The following GUCY1A2 variants were observed in gnomAD, a reference collection of about 807,000 sequenced individuals.
GUCY1A2 encodes guanylate cyclase soluble subunit alpha-2.
GUCY1A2 carries 27 observed loss-of-function variants against 63.5 expected under a neutral mutation model. The observed-to-expected ratio is 0.43, with a 90% CI of 0.31 to 0.59. The LOEUF (loss-of-function observed/expected upper bound fraction) is 0.59, where lower values mean the gene tolerates loss of function less well. GUCY1A2 is among the 20% of genes least tolerant of loss of function. GUCY1A2 has a pLI of 0.11. For missense variants in GUCY1A2, 768 were observed against 913.3 expected (o/e 0.84, Z 2.05); for synonymous variants, 364 against 343.5 (o/e 1.06, Z -0.66).
At chr11:106,941,881 T>C (rs1408925278) in intron 3 of GUCY1A2, among the ~76,000 whole-genome samples, 1 of 152,162 alleles carries the variant, frequency 6.6e-6, no homozygotes, top group Non-Finnish European at 1.5e-5. Context: ...TTAATAAGCA[T>C]TTCATATTCA....
At chr11:106,732,333 A>G (rs1306861370) in intron 6 of GUCY1A2, among the ~76,000 whole-genome samples, 3 of 152,134 alleles carry the variant, frequency 2.0e-5, no homozygotes, top group Non-Finnish European at 4.4e-5. Context: ...TATGCAGAAG[A>G]CTTAAACTAG....
At chr11:106,884,855 A>G (rs1859877303) in intron 4 of GUCY1A2, among the ~76,000 whole-genome samples, 1 of 152,102 alleles carries the variant, frequency 6.6e-6, no homozygotes, top group South Asian at 2.1e-4. Context: ...TCTGGCCCAA[A>G]TGAGAGTTTA....
intron 3 of GUCY1A2, among the ~76,000 whole-genome samples, chr11:106,954,567 A>G (rs1422743080): frequency 7.9e-5 from 12 of 151,932 alleles, no homozygotes; most frequent in Admixed American, 2.6e-4. Flanking sequence ...TATCCTTTTT[A>G]ATTTTTTCTC....
chr11:106,768,690 A>C (rs1015906514), intron 6 of GUCY1A2, among the ~76,000 whole-genome samples: 4 of 152,182 alleles, frequency 2.6e-5, no homozygotes, highest in African/African-American at 9.6e-5. Context: ...GTCAGCTAAC[A>C]AAGTAACGAA....
intron 1 of GUCY1A2, among the ~76,000 whole-genome samples, chr11:107,000,047 T>C (rs932912225): frequency 1.2e-4 from 18 of 152,206 alleles, no homozygotes; most frequent in Admixed American, 7.2e-4. Flanking sequence ...ACAATTCATA[T>C]AGTTAGCCAC....
intron 4 of GUCY1A2, chr11:106,827,755 CAGG>C (rs1858991310): frequency 2.6e-6 from 4 of 1,525,304 alleles, no homozygotes; most frequent in Admixed American, 3.3e-5. Flanking sequence ...GCTTTCATAA[CAGG>C]AGAAGCTGTT....
chr11:106,871,960 G>A (rs570125385), intron 4 of GUCY1A2, among the ~76,000 whole-genome samples: 5 of 152,088 alleles, frequency 3.3e-5, no homozygotes, highest in African/African-American at 4.8e-5. Flanking sequence ...CAGCCTTGAC[G>A]TGTGTTCTAT....
In GUCY1A2 at chr11:106,896,484, T is replaced by C. The variant is rs367940834; in HGVS notation, c.1206+42976A>G. On this transcript the variant is annotated intron_variant, in intron 4 of 7. Coordinates refer to ENST00000526355, the MANE Select transcript of GUCY1A2 (RefSeq NM_000855.3). ...AATAAAATAATAAAGGGAAATAAAATTACTATGGTTTGAATAATGTGGTCC... is the reference window on the plus strand; with the variant it reads ...AATAAAATAATAAAGGGAAATAAAACTACTATGGTTTGAATAATGTGGTCC... Among the ~76,000 whole-genome samples the C allele has an allele frequency of 4.6e-5, 7 of 152,286 alleles. No individual in the cohort carries two copies. In the South Asian group the frequency reaches 1.0e-3, roughly 23 times the overall value.
At chr11:106,968,777 A>AGACCATAACATTGGTGCATAACAGTG (rs1861158452) in intron 3 of GUCY1A2, among the ~76,000 whole-genome samples, 1 of 152,296 alleles carries the variant, frequency 6.6e-6, no homozygotes, top group Admixed American at 6.5e-5. Flanking sequence ...ACCTGATCCT[A>AGACCATAACATTGGTGCATAACAGTG]TCTACAACTT....
chr11:106,740,939 C>T (rs1863684629), intron 6 of GUCY1A2, among the ~76,000 whole-genome samples: 1 of 152,118 alleles, frequency 6.6e-6, no homozygotes, highest in South Asian at 2.1e-4. Flanking sequence ...TCCCAAAGTG[C>T]TGGGATTACA....
intron 6 of GUCY1A2, among the ~76,000 whole-genome samples, chr11:106,738,844 C>T (rs1198662640): frequency 1.3e-5 from 2 of 152,030 alleles, no homozygotes; most frequent in Non-Finnish European, 2.9e-5. Flanking sequence ...CAGCTTAGTT[C>T]TTTTTGCTTG....
intron 5 of GUCY1A2, among the ~76,000 whole-genome samples, chr11:106,786,663 T>C (rs1310209256): frequency 6.6e-6 from 1 of 152,192 alleles, no homozygotes; most frequent in Non-Finnish European, 1.5e-5. Flanking sequence ...TTCTAAATCA[T>C]TGTTAGATGT....
chr11:106,901,381 GA>G lies in GUCY1A2; in HGVS notation c.1206+38078del, dbSNP rs575449201. On this transcript the variant is annotated intron_variant, in intron 4 of 7. Coordinates refer to ENST00000526355, the MANE Select transcript of GUCY1A2 (RefSeq NM_000855.3). ...GCCCTCAAAGTTATCTCTGAGAACT[GA>G]AATCAATGCCTTCCAAATTTCTGTT... Among the ~76,000 whole-genome samples, 80 of 152,288 alleles carry G rather than the reference GA, an allele frequency of 5.3e-4. 1 individual carries two copies. In the South Asian group the frequency reaches 0.017, roughly 32 times the overall value.
chr11:106,952,604 GC>G (rs1339027675), intron 3 of GUCY1A2, among the ~76,000 whole-genome samples: 4 of 151,904 alleles, frequency 2.6e-5, no homozygotes, highest in African/African-American at 9.7e-5. Flanking sequence ...CTGAGACTTT[GC>G]TGAAGTTGCT....
chr11:106,914,699 A>C lies in GUCY1A2; in HGVS notation c.1206+24761T>G, dbSNP rs144529169. 4.0e-3 allele frequency among the ~76,000 whole-genome samples: 603 copies of C among 152,036 alleles called. 7 individuals are homozygous for C. Among genetic ancestry groups the C allele is most frequent in the African/African-American group, 0.014 (587 of 41,568 alleles). On this transcript the variant is annotated intron_variant, in intron 4 of 7. Transcript: ENST00000526355. ...AGAGAAATAATTACAAGAGAAAATA[A>C]ATAAAGATAATATTTTAAAAATTGA...
In GUCY1A2 at chr11:106,936,648, A is replaced by T. The variant is rs1379330993; in HGVS notation, c.1206+2812T>A. Reference sequence around the variant, plus strand: ...AGCCATCTGGAAGAGTTTTTTTCTAACCTCAAGACTGTTGAATCCTGCCAC... The same window carrying T: ...AGCCATCTGGAAGAGTTTTTTTCTATCCTCAAGACTGTTGAATCCTGCCAC... On this transcript the variant is annotated intron_variant, in intron 4 of 7. Transcript: ENST00000526355. 1.3e-6 allele frequency: 2 copies of T among 1,512,598 alleles called. 1 individual carries two copies. Among genetic ancestry groups the T allele is most frequent in the South Asian group, 2.4e-5 (2 of 82,058 alleles). The allele number at this position is 1,512,598 out of a possible 1,614,324, so 93.7% of individuals were successfully genotyped here.
chr11:107,002,654 C>T (rs1427304918), intron 1 of GUCY1A2, among the ~76,000 whole-genome samples: 1 of 152,200 alleles, frequency 6.6e-6, no homozygotes, highest in East Asian at 1.9e-4. Flanking sequence ...AAATAATGTA[C>T]TCTCCATGAC....
At chr11:106,928,275 C>A (rs943340855) in intron 4 of GUCY1A2, among the ~76,000 whole-genome samples, 1 of 152,136 alleles carries the variant, frequency 6.6e-6, no homozygotes, top group Non-Finnish European at 1.5e-5. Context: ...AATTTTGAGA[C>A]ATGTAAGCTT....
chr11:106,902,938 G>C (rs1249264031), intron 4 of GUCY1A2, among the ~76,000 whole-genome samples: 3 of 152,100 alleles, frequency 2.0e-5, no homozygotes, highest in Admixed American at 1.3e-4. Context: ...GGGAGGCCCT[G>C]GAACCAATCT....
Sources: allele counts gnomAD v4.1 joint callset (sites outside exome capture counted in the v4.1 genomes callset), GRCh38; gene constraint gnomAD v4.1.1; transcripts MANE v1.5; gene names NCBI Gene and HGNC (gene_info 2026-07-23, HGNC 2026-07-21).